The following DLGAP1 variants were observed in gnomAD, a reference collection of about 807,000 sequenced individuals.
DLGAP1 encodes the protein DLG associated protein 1.
In DLGAP1, 11 loss-of-function variants were observed where a neutral mutation model predicts 90.8. The observed-to-expected ratio is 0.12, with a 90% confidence interval of 0.08 to 0.20. DLGAP1 has a LOEUF of 0.20. Ranked by LOEUF, DLGAP1 falls within the 10% of genes least tolerant of loss-of-function variation. The pLI, the probability that DLGAP1 is intolerant of heterozygous loss-of-function variation, is 1.00. For synonymous variants in DLGAP1, 558 were observed against 540.7 expected, an observed-to-expected ratio of 1.03 and a Z score of -0.44; for missense variants, 1,050 against 1,333.8, an observed-to-expected ratio of 0.79 and a Z score of 3.31.
At chr18:3,672,951 C>T (rs2060152981) in intron 7 of DLGAP1, among the ~76,000 whole-genome samples, 2 of 152,116 alleles carry the variant, frequency 1.3e-5, no homozygotes, top group South Asian at 4.1e-4. Flanking sequence ...TGTTGTATTC[C>T]AACTGGTTTT....
intron 7 of DLGAP1, among the ~76,000 whole-genome samples, chr18:3,728,204 T>A (rs2062258346): frequency 6.6e-6 from 1 of 151,678 alleles, no homozygotes; most frequent in South Asian, 2.1e-4. Flanking sequence ...AGTTTGATGA[T>A]CTTCTTGTAG....
chr18:4,208,646 A>AT (rs1263076269), intron 1 of DLGAP1, among the ~76,000 whole-genome samples: 1 of 152,190 alleles, frequency 6.6e-6, no homozygotes, highest in Non-Finnish European at 1.5e-5. Context: ...CAAGAAATAA[A>AT]TTTTTATTTT....
intron 3 of DLGAP1, among the ~76,000 whole-genome samples, chr18:3,958,460 C>CAAAAA (rs71160925): frequency 5.1e-5 from 5 of 97,184 alleles, no homozygotes; most frequent in East Asian, 3.2e-4. Context: ...TTAGGATAAG[C>CAAAAA]AAAAAAAAAA....
chr18:3,864,069 G>T (rs759552490), intron 4 of DLGAP1, among the ~76,000 whole-genome samples: 55 of 152,162 alleles, frequency 3.6e-4, no homozygotes, highest in Non-Finnish European at 6.3e-4. Flanking sequence ...TCTGGCCACT[G>T]CCCCCAGAGT....
chr18:4,139,026 T>C (rs1226783136), intron 2 of DLGAP1, among the ~76,000 whole-genome samples: 1 of 152,012 alleles, frequency 6.6e-6, no homozygotes, highest in Non-Finnish European at 1.5e-5. Context: ...GTCTTCTCTC[T>C]TTTATTCTTA....
At chr18:4,139,883 G>C (rs7505672) in intron 2 of DLGAP1, among the ~76,000 whole-genome samples, 75,642 of 151,648 alleles carry the variant, frequency 0.5, 20,095 homozygotes, top group African/African-American at 0.7. Context: ...TTTCTTTTTA[G>C]AGCTTTTTGT....
At chr18:3,939,563 T>C (rs2148945535) in intron 3 of DLGAP1, among the ~76,000 whole-genome samples, 1 of 152,252 alleles carries the variant, frequency 6.6e-6, no homozygotes, top group South Asian at 2.1e-4. Flanking sequence ...CACCATTCTG[T>C]TCATGTAATT....
intron 1 of DLGAP1, among the ~76,000 whole-genome samples, chr18:4,398,708 C>T (rs1180319288): frequency 6.6e-6 from 1 of 152,192 alleles, no homozygotes. Context: ...ATCTGTGTTA[C>T]TTAAATCAAT....
intron 1 of DLGAP1, among the ~76,000 whole-genome samples, chr18:4,198,048 C>T (rs1369671739): frequency 1.3e-5 from 2 of 151,842 alleles, no homozygotes; most frequent in African/African-American, 2.4e-5. Flanking sequence ...AGTGAAACCC[C>T]GTCTCTACTA....
At chr18:3,948,370 C>G in intron 3 of DLGAP1, among the ~76,000 whole-genome samples, 1 of 152,120 alleles carries the variant, frequency 6.6e-6, no homozygotes, top group Admixed American at 6.5e-5. Flanking sequence ...CTTCCTTTTT[C>G]CACTATTGAA....
chr18:3,885,436 T>G (rs948478018), intron 3 of DLGAP1: 1 of 152,198 alleles, frequency 6.6e-6, no homozygotes, highest in Non-Finnish European at 1.5e-5. Flanking sequence ...ATTCAATGTA[T>G]GCACTTCATG....
chr18:3,875,539 A>G (rs2070976744), intron 4 of DLGAP1, among the ~76,000 whole-genome samples: 1 of 152,210 alleles, frequency 6.6e-6, no homozygotes. Flanking sequence ...CAGACTTTGA[A>G]AGCAGACAAA....
chr18:3,615,422 C>T (rs373440501), intron 7 of DLGAP1, among the ~76,000 whole-genome samples: 3 of 152,092 alleles, frequency 2.0e-5, no homozygotes, highest in African/African-American at 4.8e-5. Flanking sequence ...GGCTTCAGGA[C>T]GACCTTTTTT....
chr18:4,384,613 T>C (rs2082194500), intron 1 of DLGAP1, among the ~76,000 whole-genome samples: 1 of 152,250 alleles, frequency 6.6e-6, no homozygotes, highest in South Asian at 2.1e-4. Flanking sequence ...TCTCTCTATA[T>C]TTCCTCGTAC....
intron 2 of DLGAP1, among the ~76,000 whole-genome samples, chr18:4,037,525 A>G (rs1561826): frequency 0.07 from 10,718 of 152,272 alleles, 1,247 homozygotes; most frequent in African/African-American, 0.24. Flanking sequence ...AGTTATAATT[A>G]AAGATGGGAG....
chr18:4,005,722 C>G (rs902563151), intron 2 of DLGAP1, among the ~76,000 whole-genome samples: 5 of 152,202 alleles, frequency 3.3e-5, no homozygotes, highest in Non-Finnish European at 7.3e-5. Context: ...CCTTCTCCAT[C>G]ACACCTGGCC....
chr18:3,535,524 G>A lies in DLGAP1; in HGVS notation c.2058-909C>T, dbSNP rs146310087. Among the ~76,000 whole-genome samples the A allele has an allele frequency of 9.3e-3, 1,405 of 150,828 alleles. 29 individuals carry two copies. Among genetic ancestry groups the A allele is most frequent in the East Asian group, 0.082 (411 of 4,998 alleles). On this transcript the variant is annotated intron_variant, in intron 9 of 12. Coordinates refer to ENST00000315677, the MANE Select transcript of DLGAP1 (RefSeq NM_004746.4). ...GGATCGAGACCCTCCTGGCTAACAC[G>A]GTGAAACCCCGTATCTACCAAAAAA...
At chr18:4,100,527 G>A (rs182251142) in intron 2 of DLGAP1, among the ~76,000 whole-genome samples, 3 of 152,164 alleles carry the variant, frequency 2.0e-5, no homozygotes, top group Non-Finnish European at 2.9e-5. Context: ...TAGTAAATGC[G>A]CATTGGCTTC....
intron 3 of DLGAP1, among the ~76,000 whole-genome samples, chr18:3,957,868 A>G (rs2073112949): frequency 6.7e-6 from 1 of 149,514 alleles, no homozygotes; most frequent in East Asian, 2.0e-4. Flanking sequence ...CAGTGGAGTC[A>G]TTTTTACATT....
Sources: gnomAD v4.1 joint callset for allele counts (sites outside exome capture counted in the v4.1 genomes callset) on GRCh38, gnomAD v4.1.1 for gene constraint, MANE v1.5 for transcripts, NCBI Gene and HGNC (gene_info 2026-07-23, HGNC 2026-07-21) for gene names.